PRKCH: variants seen among roughly 807,000 people sequenced by gnomAD.
PRKCH encodes the protein protein kinase C eta.
In PRKCH, 28 loss-of-function variants were observed where a neutral mutation model predicts 82.5. The observed-to-expected ratio is 0.34, with a 90% CI of 0.25 to 0.47. The LOEUF (loss-of-function observed/expected upper bound fraction) is 0.47, where lower values mean the gene tolerates loss of function less well. Ranked by LOEUF, PRKCH falls within the 20% of genes least tolerant of loss-of-function variation. The probability of loss-of-function intolerance (pLI) is 1.00; values close to 1 mark genes in which losing one functional copy is unlikely to be tolerated. For missense variants in PRKCH, 705 were observed against 881.8 expected, an observed-to-expected ratio of 0.80 and a Z score of 2.54; for synonymous variants, 322 against 327.4, an observed-to-expected ratio of 0.98 and a Z score of 0.18.
chr14:61,469,616 C>G (rs1045177606), intron 9 of PRKCH, among the ~76,000 whole-genome samples: 6 of 152,228 alleles, frequency 3.9e-5, no homozygotes, highest in Non-Finnish European at 7.3e-5. Flanking sequence ...AAAAACCTGA[C>G]TGCTTTGGAT....
At chr14:61,437,478 AG>A (rs1339442079) in intron 2 of PRKCH, among the ~76,000 whole-genome samples, 1 of 152,252 alleles carries the variant, frequency 6.6e-6, no homozygotes, top group Non-Finnish European at 1.5e-5. Context: ...AAATTATCTC[AG>A]GAAGAAGAAA....
intron 2 of PRKCH, among the ~76,000 whole-genome samples, chr14:61,422,930 T>C (rs1371009877): frequency 6.6e-6 from 1 of 152,226 alleles, no homozygotes; most frequent in African/African-American, 2.4e-5. Flanking sequence ...TGTATTTCTT[T>C]TATTTTTATT....
intron 1 of PRKCH, among the ~76,000 whole-genome samples, chr14:61,329,234 C>CTTTTTTTTTTTTTTTTTTTTTTTT (rs71117812): frequency 1.6e-5 from 1 of 63,462 alleles, no homozygotes; most frequent in African/African-American, 6.8e-5. Flanking sequence ...ACTCCTGAGT[C>CTTTTTTTTTTTTTTTTTTTTTTTT]TTTTTTTTTT....
At chr14:61,338,132 T>G (rs1360011000) in intron 1 of PRKCH, among the ~76,000 whole-genome samples, 1 of 152,174 alleles carries the variant, frequency 6.6e-6, no homozygotes, top group Non-Finnish European at 1.5e-5. Context: ...TGGCCACTGA[T>G]CTGCTTTCAG....
chr14:61,328,524 C>T (rs537699474), intron 1 of PRKCH, among the ~76,000 whole-genome samples: 102 of 151,616 alleles, frequency 6.7e-4, no homozygotes, highest in Middle Eastern at 3.4e-3. Context: ...GTGGGTGGAA[C>T]GTGAATCATT....
intron 3 of PRKCH, among the ~76,000 whole-genome samples, chr14:61,443,857 TG>T (rs1198917488): frequency 3.9e-5 from 6 of 152,286 alleles, no homozygotes; most frequent in African/African-American, 1.4e-4. Context: ...TCAGTCTCAG[TG>T]GCAAATGTAA....
intron 1 of PRKCH, among the ~76,000 whole-genome samples, chr14:61,333,356 T>G (rs1248698566): frequency 2.0e-5 from 3 of 152,192 alleles, no homozygotes; most frequent in Admixed American, 2.0e-4. Context: ...TTCCTAAACC[T>G]TAAGGACACA....
At chr14:61,402,390 GA>G (rs1395279755) in intron 2 of PRKCH, among the ~76,000 whole-genome samples, 1 of 152,192 alleles carries the variant, frequency 6.6e-6, no homozygotes, top group African/African-American at 2.4e-5. Context: ...GCAATTATCT[GA>G]AAAATCTATT....
At position 61,500,037 on chromosome 14, in the gene PRKCH, C is replaced by G. The variant is rs1053859350; in HGVS notation, c.1433+14381C>G. On this transcript the variant is annotated intron_variant, in intron 10 of 13. Transcript: ENST00000332981. ...GCTGTTTCTTCAGGATTACTGATTTCTCAGTAATCCATAAACCATCCATGT... is the reference window on the plus strand; with the variant it reads ...GCTGTTTCTTCAGGATTACTGATTTGTCAGTAATCCATAAACCATCCATGT... Among the ~76,000 whole-genome samples, 3 of 150,608 alleles carry G rather than the reference C, an allele frequency of 2.0e-5. No homozygotes were observed. The Admixed American group carries it at 2.0e-4, about 10-fold the overall frequency.
chr14:61,394,344 T>C (rs2046735987), intron 2 of PRKCH, among the ~76,000 whole-genome samples: 1 of 152,196 alleles, frequency 6.6e-6, no homozygotes. Context: ...GCTTGGTATC[T>C]TTTATGTACA....
chr14:61,208,380 A>C (rs2044543893), intron 1 of PRKCH, among the ~76,000 whole-genome samples: 1 of 152,200 alleles, frequency 6.6e-6, no homozygotes, highest in South Asian at 2.1e-4. Context: ...ACATTCAGTC[A>C]GTTCTCAGTG....
At chr14:61,419,923 TGCC>T (rs1309638330) in intron 2 of PRKCH, among the ~76,000 whole-genome samples, 8 of 152,234 alleles carry the variant, frequency 5.3e-5, no homozygotes, top group Non-Finnish European at 1.0e-4. Flanking sequence ...TACCACAATT[TGCC>T]CTGTTTTGCC....
intron 1 of PRKCH, among the ~76,000 whole-genome samples, chr14:61,313,054 A>G (rs2045537089): frequency 6.6e-6 from 1 of 152,236 alleles, no homozygotes; most frequent in Non-Finnish European, 1.5e-5. Flanking sequence ...GGCAATTCCA[A>G]AGGATTTTGA....
chr14:61,445,562 T>C, intron 3 of PRKCH, 130 bp from the exon 4 acceptor site: 1 of 828,074 alleles, frequency 1.2e-6, no homozygotes, highest in Admixed American at 2.0e-5. Context: ...AGAAAGCACA[T>C]GATCTTTGCT....
chr14:61,469,137 A>T (rs573584149), intron 9 of PRKCH, among the ~76,000 whole-genome samples: 3 of 152,326 alleles, frequency 2.0e-5, no homozygotes, highest in Admixed American at 6.5e-5. Context: ...AGGTCTTGCT[A>T]TGTTGCCCAC....
intron 1 of PRKCH, among the ~76,000 whole-genome samples, chr14:61,373,871 G>T (rs2046395205): frequency 6.6e-6 from 1 of 152,072 alleles, no homozygotes; most frequent in Non-Finnish European, 1.5e-5. Context: ...CCAAAGTGCT[G>T]GGATTACAGG....
At chr14:61,429,546 C>T (rs969050503) in intron 2 of PRKCH, among the ~76,000 whole-genome samples, 1 of 152,182 alleles carries the variant, frequency 6.6e-6, no homozygotes, top group African/African-American at 2.4e-5. Flanking sequence ...CCATTGTTTT[C>T]AGGGCCTCAG....
intron 1 of PRKCH, among the ~76,000 whole-genome samples, chr14:61,291,951 T>C (rs1030330871): frequency 6.6e-6 from 1 of 152,118 alleles, no homozygotes; most frequent in African/African-American, 2.4e-5. Flanking sequence ...TCTTATCAGA[T>C]TGCTCCACAA....
chr14:61,426,715 T>C (rs1883127289), intron 2 of PRKCH, among the ~76,000 whole-genome samples: 1 of 152,224 alleles, frequency 6.6e-6, no homozygotes, highest in Non-Finnish European at 1.5e-5. Context: ...ATGGTTTCTG[T>C]TCAAAAAATT....
Sources: gnomAD v4.1 joint callset for allele counts (sites outside exome capture counted in the v4.1 genomes callset) on GRCh38, gnomAD v4.1.1 for gene constraint, MANE v1.5 for transcripts, NCBI Gene and HGNC (gene_info 2026-07-23, HGNC 2026-07-21) for gene names.